NALF2: variants seen among roughly 807,000 people sequenced by gnomAD.
NALF2 encodes the protein NALCN channel auxiliary factor 2, also known as bB57D9.1 (TED protein).
In NALF2, 1 loss-of-function variant was observed where a neutral mutation model predicts 24.8. The ratio of observed to expected loss-of-function variants is 0.04; its 90% CI spans 0.01 to 0.19. NALF2 has a LOEUF of 0.19. Ranked by LOEUF, NALF2 falls within the 10% of genes least tolerant of loss-of-function variation. The probability of loss-of-function intolerance (pLI) is 1.00; values close to 1 mark genes in which losing one functional copy is unlikely to be tolerated. For missense variants in NALF2, 458 were observed against 409.6 expected (o/e 1.12, Z -1.02); for synonymous variants, 254 against 189.8 (o/e 1.34, Z -2.78).
intron 1 of NALF2, among the ~76,000 whole-genome samples, chrX:69,506,994 G>T (rs1447808885): frequency 8.9e-6 from 1 of 112,122 alleles, no homozygotes; most frequent in Non-Finnish European, 1.9e-5. Context: ...CCTCGGCGGG[G>T]TTGCTCTGGA....
rs1395107077 is a variant in NALF2, at chrX:69,505,342, C to T, written c.60C>T (p.Cys20=). ...GKDAAALTIC[C]CCCCWAPRPS... Reference sequence around the variant, plus strand: ...ACGCCGCCGCGCTGACTATCTGCTGCTGCTGCTGCTGCTGGGCTCCCAGGC... The same window carrying T: ...ACGCCGCCGCGCTGACTATCTGCTGTTGCTGCTGCTGCTGGGCTCCCAGGC... The change falls in exon 1 of 3, where the codon TGC becomes TGT. Residue 20 remains cysteine, a synonymous_variant. Coordinates refer to ENST00000252338, the MANE Select transcript of NALF2 (RefSeq NM_015686.3). The T allele has an allele frequency of 2.6e-6, 3 of 1,155,770 alleles. No homozygotes were observed. Among genetic ancestry groups the T allele is most frequent in the African/African-American group, 1.8e-5 (1 of 55,541 alleles).
chrX:69,529,977 C>T lies in NALF2; in HGVS notation c.*21C>T. On this transcript the variant is annotated 3_prime_UTR_variant, in exon 3 of 3. Coordinates refer to ENST00000252338, the MANE Select transcript of NALF2 (RefSeq NM_015686.3). ...AGTGACAGTAGGGAGGGAGGACAGA[C>T]CTCCACCACACTGACATCAGCTCCA... 8.9e-7 allele frequency: 1 copy of T among 1,127,934 alleles called. No individual in the cohort carries two copies. Among genetic ancestry groups the T allele is most frequent in the Non-Finnish European group, 1.2e-6 (1 of 838,050 alleles). 93.0% of individuals were successfully genotyped at this position (1,127,934 alleles called of 1,213,427 possible). A position where few individuals can be genotyped will look rare whatever the true frequency, so the allele number is the denominator to read the frequency against.
At chrX:69,509,024 C>G (rs186743357) in intron 1 of NALF2, among the ~76,000 whole-genome samples, 1 of 112,486 alleles carries the variant, frequency 8.9e-6, no homozygotes, top group Non-Finnish European at 1.9e-5. Flanking sequence ...TATCTGCCCC[C>G]GTTTCAGGCC....
At chrX:69,521,653 G>T (rs1469402307) in intron 1 of NALF2, among the ~76,000 whole-genome samples, 1 of 112,175 alleles carries the variant, frequency 8.9e-6, no homozygotes, top group African/African-American at 3.2e-5. Flanking sequence ...ATTGAATACT[G>T]TACTAAAAGT....
At chrX:69,510,293 G>T (rs745377730) in intron 1 of NALF2, among the ~76,000 whole-genome samples, 2 of 112,249 alleles carry the variant, frequency 1.8e-5, no homozygotes, top group South Asian at 3.7e-4. Context: ...GAGAGGGGGT[G>T]GGGGGCTGCC....
At chrX:69,518,413 A>G (rs1930691283) in intron 1 of NALF2, among the ~76,000 whole-genome samples, 1 of 111,963 alleles carries the variant, frequency 8.9e-6, no homozygotes, top group Non-Finnish European at 1.9e-5. Flanking sequence ...AGCTATATAT[A>G]TATATACACA....
chrX:69,521,831 C>T (rs1260807679), intron 1 of NALF2, among the ~76,000 whole-genome samples: 1 of 112,076 alleles, frequency 8.9e-6, no homozygotes, highest in Non-Finnish European at 1.9e-5. Flanking sequence ...ATAGTTGTCT[C>T]CCCTGCTCCC....
intron 1 of NALF2, among the ~76,000 whole-genome samples, chrX:69,515,307 G>A (rs1044983780): frequency 1.8e-5 from 2 of 112,116 alleles, no homozygotes; most frequent in African/African-American, 6.5e-5. Flanking sequence ...TTACATAAAC[G>A]TCTACACACA....
In NALF2 at chrX:69,531,236, G is replaced by A. The variant is rs920944330; in HGVS notation, c.*1280G>A. On this transcript the variant is annotated 3_prime_UTR_variant, in exon 3 of 3. Transcript: ENST00000252338. The stretch of plus-strand genomic sequence containing the variant: ...CAGGGTCTTCTGCTCCAGTCACCCC[G>A]GCCTCTTGCAAGAGAAAGTCCAGGG... The A allele has an allele frequency of 1.8e-5, 2 of 112,820 alleles. No homozygotes were observed. Among genetic ancestry groups the A allele is most frequent in the Non-Finnish European group, 3.8e-5 (2 of 53,244 alleles). 9.3% of individuals were successfully genotyped at this position (112,820 alleles called of 1,213,427 possible).
intron 1 of NALF2, among the ~76,000 whole-genome samples, chrX:69,528,658 T>C (rs749003507): frequency 1.6e-4 from 18 of 112,415 alleles, no homozygotes; most frequent in Admixed American, 1.4e-3. Context: ...AGATACTTCC[T>C]TGGACCAAGT....
In NALF2 at chrX:69,530,100, A is replaced by C; in HGVS notation, c.*144A>C. The C allele has an allele frequency of 2.2e-6, 1 of 448,546 alleles. No homozygotes were observed. Among genetic ancestry groups the C allele is most frequent in the Non-Finnish European group, 3.7e-6 (1 of 272,309 alleles). 37.0% of individuals were successfully genotyped at this position (448,546 alleles called of 1,213,427 possible). ...GGGAATGACACATCCCCCCCAACCT[A>C]CCCCCACCCCAAAAGCAGCTCCAAC... is the stretch of plus-strand genomic sequence containing the variant. On this transcript the variant is annotated 3_prime_UTR_variant, in exon 3 of 3. Transcript: ENST00000252338.
Position 69,529,993 on chromosome X carries a change from A to G in NALF2, c.*37A>G, listed in dbSNP as rs374059268. 3.0e-5 allele frequency: 32 copies of G among 1,057,581 alleles called. No individual in the cohort carries two copies. The African/African-American group carries it at 5.1e-4, about 17-fold the overall frequency. The allele number at this position is 1,057,581 out of a possible 1,213,427, so 87.2% of individuals were successfully genotyped here. ...GAGGACAGACCTCCACCACACTGAC[A>G]TCAGCTCCAGCTCCCCCAGGTTGGG... On this transcript the variant is annotated 3_prime_UTR_variant, in exon 3 of 3. Transcript: ENST00000252338.
intron 1 of NALF2, among the ~76,000 whole-genome samples, chrX:69,507,854 C>T (rs908376685): frequency 1.8e-5 from 2 of 111,092 alleles, no homozygotes; most frequent in Non-Finnish European, 3.8e-5. Flanking sequence ...TGTTTTTTTC[C>T]TCAATCACCA....
Position 69,529,713 on chromosome X carries a change from C to T in NALF2, c.1176C>T (p.His392=), listed in dbSNP as rs1489319105. The part of the protein sequence containing the change: ...HQQQFHHSYF[H]HYHQQYHHYH... ...AGCAATTCCACCACTCCTATTTCCA[C>T]CACTACCACCAACAGTACCATCACT... Residue 392 remains histidine (H), a synonymous_variant, in exon 3 of 3, where the codon CAC becomes CAT. Transcript: ENST00000252338. The T allele has an allele frequency of 8.3e-7, 1 of 1,205,966 alleles. No homozygotes were observed. The highest frequency in any genetic ancestry group is 1.1e-6 in the Non-Finnish European group (1 of 892,410).
chrX:69,505,744 G>A lies in NALF2; in HGVS notation c.462G>A (p.Gln154=). The A allele has an allele frequency of 2.5e-6, 3 of 1,211,589 alleles. No homozygotes were observed. The highest frequency in any genetic ancestry group is 1.1e-6 in the Non-Finnish European group (1 of 895,319). The part of the protein sequence containing the change: ...DAACTKLQSL[Q]RLFEPTTPAP... ...CTTGCACCAAATTGCAATCTTTGCA[G>A]AGACTTTTCGAACCGACTACTCCGG... Residue 154 remains glutamine (Q), a synonymous_variant, in exon 1 of 3, where the codon CAG becomes CAA. Transcript: ENST00000252338.
intron 1 of NALF2, among the ~76,000 whole-genome samples, chrX:69,511,949 C>T (rs762770146): frequency 7.2e-5 from 8 of 111,658 alleles, no homozygotes; most frequent in Non-Finnish European, 1.1e-4. Flanking sequence ...GACTCAGGGG[C>T]GGGAGTGTGC....
intron 1 of NALF2, among the ~76,000 whole-genome samples, chrX:69,524,402 G>A: frequency 9.0e-6 from 1 of 111,515 alleles, no homozygotes; most frequent in Admixed American, 9.5e-5. Context: ...CAAGACAGGA[G>A]TATTTTTTGG....
chrX:69,523,333 G>A (rs1022381671), intron 1 of NALF2, among the ~76,000 whole-genome samples: 11 of 112,237 alleles, frequency 9.8e-5, no homozygotes, highest in African/African-American at 3.2e-4. Context: ...GGATGTAAAA[G>A]TCTTCTTTCT....
At position 69,532,427 on chromosome X, in the gene NALF2, C is replaced by G. The variant is rs992595082; in HGVS notation, c.*2471C>G. On this transcript the variant is annotated 3_prime_UTR_variant, in exon 3 of 3. Coordinates refer to ENST00000252338, the MANE Select transcript of NALF2 (RefSeq NM_015686.3). ...AGAGTCTCTGTATATGTACTGCTTT[C>G]TGTTTTGTTGCATTGTGGGGCAGAG... 1 of 112,122 alleles carries G rather than the reference C, an allele frequency of 8.9e-6. No homozygotes were observed. Among genetic ancestry groups the G allele is most frequent in the African/African-American group, 3.3e-5 (1 of 30,711 alleles). 9.2% of individuals were successfully genotyped at this position (112,122 alleles called of 1,213,427 possible).
Sources: gnomAD v4.1 joint callset for allele counts (sites outside exome capture counted in the v4.1 genomes callset) on GRCh38, gnomAD v4.1.1 for gene constraint, MANE v1.5 for transcripts, NCBI Gene and HGNC (gene_info 2026-07-23, HGNC 2026-07-21) for gene names.